The following SHANK1 variants were observed in gnomAD, a reference collection of about 807,000 sequenced individuals.
SHANK1 encodes SH3 and multiple ankyrin repeat domains 1.
Under a neutral mutation model 165.6 loss-of-function variants are expected in SHANK1, and 35 were observed. The observed-to-expected ratio is 0.21, with a 90% CI of 0.16 to 0.28. The LOEUF (loss-of-function observed/expected upper bound fraction) is 0.28. Among genes scored for constraint, SHANK1 ranks in the 10% least tolerant of loss-of-function variants. SHANK1 has a pLI of 1.00. For synonymous variants in SHANK1, 1,428 were observed against 1,384.8 expected (o/e 1.03, Z -0.69); for missense variants, 2,681 against 3,036.4 (o/e 0.88, Z 2.75).
rs1011233571 is a variant in SHANK1 at position 50,690,494 on chromosome 19, G to T, written c.1965-1215C>A. On this transcript the variant is annotated intron_variant, in intron 15 of 23. Coordinates refer to ENST00000293441, the MANE Select transcript of SHANK1 (RefSeq NM_016148.5). This position sits in a 1 kb window ranked among gnomAD's most constrained non-coding sequence, Gnocchi z 4.9. ...AAGAACACCCAGGAGTCACTGGAAC[G>T]CGTGCTCTGCTGTGCTGAGCTTCCT... Among the ~76,000 whole-genome samples the T allele has an allele frequency of 6.6e-6, 1 of 152,078 alleles. No individual in the cohort carries two copies. Among genetic ancestry groups the T allele is most frequent in the Non-Finnish European group, 1.5e-5 (1 of 68,010 alleles).
Position 50,687,498 on chromosome 19 carries a change from CAA to C in SHANK1, c.2389+82_2389+83del, listed in dbSNP as rs1599854800. 2.7e-6 allele frequency: 3 copies of C among 1,095,222 alleles called. No homozygotes were observed. In the East Asian group the frequency reaches 7.9e-5, roughly 29 times the overall value. The allele number at this position is 1,095,222 out of a possible 1,614,324, so 67.8% of individuals were successfully genotyped here. A position where few individuals can be genotyped will look rare whatever the true frequency, so the allele number is the denominator to read the frequency against. ...GAGGACAAGGACCCCTGGTCACTAA[CAA>C]CACTAACGAACTCAAGGGATGGTCC... On this transcript the variant is annotated intron_variant, in intron 19 of 23. Transcript: ENST00000293441.
At chr19:50,715,768 A>T (rs765771559) in intron 3 of SHANK1, 38 bp from the exon 4 acceptor site, 1 of 1,585,688 alleles carries the variant, frequency 6.3e-7, no homozygotes, top group South Asian at 1.1e-5. Flanking sequence ...AGACACAGAG[A>T]CTTGGAATCA....
In SHANK1 at chr19:50,697,732, T is replaced by A; in HGVS notation, c.1862-68A>T. On this transcript the variant is annotated intron_variant, in intron 13 of 23. Transcript: ENST00000293441. The surrounding 1 kb of genome is among the most constrained non-coding windows in gnomAD (Gnocchi z 4.7). ...ACCACAATCCCAGCCCTAGAGCTCC[T>A]GGCCCAAGTCTTCCCATCTACCTCC... 6.4e-7 allele frequency: 1 copy of A among 1,562,992 alleles called. No homozygotes were observed. Among genetic ancestry groups the A allele is most frequent in the Non-Finnish European group, 8.8e-7 (1 of 1,134,318 alleles).
rs995321906 is a variant in SHANK1 at position 50,718,108 on chromosome 19, T to C, written c.-43-1146A>G. ...GAAGCAGTGGAGGGTACTGCTGACT[T>C]TGGGGGAGTGGGGATGGGCTGGGGG... On this transcript the variant is annotated intron_variant, in intron 1 of 23. Coordinates refer to ENST00000293441, the MANE Select transcript of SHANK1 (RefSeq NM_016148.5). This position sits in a 1 kb window ranked among gnomAD's most constrained non-coding sequence, Gnocchi z 5.1. Among the ~76,000 whole-genome samples the C allele has an allele frequency of 2.0e-5, 3 of 152,004 alleles. No individual in the cohort carries two copies. Among genetic ancestry groups the C allele is most frequent in the Non-Finnish European group, 2.9e-5 (2 of 67,976 alleles).
chr19:50,674,095 ATTT>A (rs35496340), intron 21 of SHANK1, among the ~76,000 whole-genome samples: 2 of 143,840 alleles, frequency 1.4e-5, no homozygotes, highest in Non-Finnish European at 3.0e-5. Context: ...GTGTTGGCCT[ATTT>A]TTTTTTTTTT....
At chr19:50,711,066 C>A (rs1394573460) in intron 8 of SHANK1, 4 of 305,284 alleles carry the variant, frequency 1.3e-5, no homozygotes, top group Middle Eastern at 2.1e-3. Flanking sequence ...TTGCTCTGAG[C>A]ACTCTGGACT....
chr19:50,660,923 G>C lies in SHANK1; in HGVS notation c.*1042C>G, dbSNP rs1985185421. The stretch of plus-strand genomic sequence containing the variant: ...CGTGACCAAAAGTGACGGTGCAAAA[G>C]GGGCAAGAGGGAAGGCGGGGGGTGG... On this transcript the variant is annotated 3_prime_UTR_variant, in exon 24 of 24. Transcript: ENST00000293441. Among the ~76,000 whole-genome samples, 1 of 150,982 alleles carries C rather than the reference G, an allele frequency of 6.6e-6. No individual in the cohort carries two copies. Among genetic ancestry groups the C allele is most frequent in the Non-Finnish European group, 1.5e-5 (1 of 67,748 alleles).
In SHANK1 at chr19:50,703,779, C is replaced by T. The variant is rs750937230; in HGVS notation, c.1274G>A (p.Gly425Asp). ...CGCCGGGGGCACCGTCAGCCCTGTG[C>T]CTGGGGGCCCCCGTCGCCGGGCCGC... The part of the protein sequence containing the change: ...KYAARRRGPP[G>D]TGLTVPPALL... Residue 425 changes from glycine (G) to aspartate (D), a missense_variant, in exon 11 of 24, where the codon GGC becomes GAC. Coordinates refer to ENST00000293441, the MANE Select transcript of SHANK1 (RefSeq NM_016148.5). The T allele has an allele frequency of 4.2e-6, 6 of 1,429,678 alleles. No individual in the cohort carries two copies. Among genetic ancestry groups the T allele is most frequent in the Non-Finnish European group, 3.6e-6 (4 of 1,096,494 alleles). The allele number at this position is 1,429,678 out of a possible 1,614,324, so 88.6% of individuals were successfully genotyped here. A position where few individuals can be genotyped will look rare whatever the true frequency, so the allele number is the denominator to read the frequency against.
At position 50,661,875 on chromosome 19, in the gene SHANK1, C is replaced by T. The variant is rs879061635; in HGVS notation, c.*90G>A. The T allele has an allele frequency of 1.1e-4, 158 of 1,442,230 alleles. No homozygotes were observed. The highest frequency in any genetic ancestry group is 2.6e-4 in the South Asian group (22 of 84,216). The allele number at this position is 1,442,230 out of a possible 1,614,324, so 89.3% of individuals were successfully genotyped here. A position where few individuals can be genotyped will look rare whatever the true frequency, so the allele number is the denominator to read the frequency against. ...CGCAGTTTGAACAGAGTCCCTGGCC[C>T]GGGGAGAGAATGACAGTCAGGGGTC... On this transcript the variant is annotated 3_prime_UTR_variant, in exon 24 of 24. Transcript: ENST00000293441.
In SHANK1 at chr19:50,711,494, A is replaced by C; in HGVS notation, c.961-7T>G. 6.4e-7 allele frequency: 1 copy of C among 1,568,158 alleles called. No individual in the cohort carries two copies. The highest frequency in any genetic ancestry group is 8.6e-7 in the Non-Finnish European group (1 of 1,156,092). On this transcript the variant is annotated splice_polypyrimidine_tract_variant and splice_region_variant and intron_variant, in intron 7 of 23. Coordinates refer to ENST00000293441, the MANE Select transcript of SHANK1 (RefSeq NM_016148.5). Reference sequence around the variant, plus strand: ...AGTGACCCCGCTGGCAGGCCTGGGCAGGACAGGGAGCGAGGGGCATGGATC... The same window carrying C: ...AGTGACCCCGCTGGCAGGCCTGGGCCGGACAGGGAGCGAGGGGCATGGATC...
intron 8 of SHANK1, 184 bp downstream of exon 8, chr19:50,711,187 T>TGGATGGAC: frequency 1.7e-6 from 1 of 575,576 alleles, no homozygotes; most frequent in Non-Finnish European, 3.1e-6. Flanking sequence ...ATCTGTTGGA[T>TGGATGGAC]GGATGGATGG....
At position 50,697,526 on chromosome 19, in the gene SHANK1, AG is replaced by A. The variant is rs923442858; in HGVS notation, c.1937+62del. 8.5e-7 allele frequency: 1 copy of A among 1,178,732 alleles called. No individual in the cohort carries two copies. Among genetic ancestry groups the A allele is most frequent in the Non-Finnish European group, 1.3e-6 (1 of 782,822 alleles). The allele number at this position is 1,178,732 out of a possible 1,614,324, so 73.0% of individuals were successfully genotyped here. The stretch of plus-strand genomic sequence containing the variant: ...GCTTAGAGGTGATGGAAATATTTAA[AG>A]GTGTACATTGTGAAGGGAACTTGGG... On this transcript the variant is annotated intron_variant, in intron 14 of 23. Coordinates refer to ENST00000293441, the MANE Select transcript of SHANK1 (RefSeq NM_016148.5). This position sits in a 1 kb window ranked among gnomAD's most constrained non-coding sequence, Gnocchi z 4.7.
At position 50,662,819 on chromosome 19, in the gene SHANK1, G is replaced by A. The variant is rs184799173; in HGVS notation, c.5769-137C>T. The stretch of plus-strand genomic sequence containing the variant: ...GTAGGGGGAGAGACGGAGGAGAGAC[G>A]GGAAGAAATGGAGGGAGCAAGGGGT... On this transcript the variant is annotated intron_variant, in intron 23 of 23. Transcript: ENST00000293441. This position sits in a 1 kb window ranked among gnomAD's most constrained non-coding sequence, Gnocchi z 7.7. 5.7e-5 allele frequency: 48 copies of A among 843,044 alleles called. No homozygotes were observed. The highest frequency in any genetic ancestry group is 5.2e-4 in the Admixed American group (21 of 40,274). The allele number at this position is 843,044 out of a possible 1,614,324, so 52.2% of individuals were successfully genotyped here.
intron 23 of SHANK1, among the ~76,000 whole-genome samples, chr19:50,665,776 G>C (rs1158507112): frequency 7.6e-6 from 1 of 130,800 alleles, no homozygotes; most frequent in African/African-American, 3.1e-5. Context: ...GCTCATGCCT[G>C]TAATCCCAGC....
rs1214082413 is a variant in SHANK1, at chr19:50,702,121, G to A, written c.1747+346C>T. The stretch of plus-strand genomic sequence containing the variant: ...ACCTTGGGCAAGTGGCTTCACCTGT[G>A]TGAGGTTCTGTTCCTTCAACCATGC... On this transcript the variant is annotated intron_variant, in intron 12 of 23. Transcript: ENST00000293441. This position sits in a 1 kb window ranked among gnomAD's most constrained non-coding sequence, Gnocchi z 5.3. Among the ~76,000 whole-genome samples, 2 of 148,996 alleles carry A rather than the reference G, an allele frequency of 1.3e-5. No individual in the cohort carries two copies. Among genetic ancestry groups the A allele is most frequent in the African/African-American group, 2.5e-5 (1 of 39,934 alleles).
chr19:50,711,219 G>T (rs866718694), intron 8 of SHANK1, 152 bp downstream of exon 8: 8 of 496,526 alleles, frequency 1.6e-5, no homozygotes, highest in Admixed American at 3.5e-5. Context: ...GATGGATGGA[G>T]GAATGAATGG....
At chr19:50,673,438 G>A (rs901022215) in intron 21 of SHANK1, among the ~76,000 whole-genome samples, 9 of 151,862 alleles carry the variant, frequency 5.9e-5, no homozygotes, top group Non-Finnish European at 1.3e-4. Flanking sequence ...GAACACCTGC[G>A]AGCCCTGGTT....
rs1985588355 is a variant in SHANK1 at position 50,667,564 on chromosome 19, G to T, written c.4396C>A (p.Pro1466Thr). The change falls in exon 23 of 24, where the codon CCC becomes ACC. Residue 1466 changes from proline (P) to threonine (T), a missense_variant. By Grantham distance (38) the Pro-to-Thr change is conservative. This residue lies in a region of SHANK1 where 1,713 missense variants were observed against 1,630.2 expected (regional missense o/e 1.05). Coordinates refer to ENST00000293441, the MANE Select transcript of SHANK1 (RefSeq NM_016148.5). This position sits in a 1 kb window ranked among gnomAD's most constrained non-coding sequence, Gnocchi z 5.7. Reference sequence around the variant, plus strand: ...CTTACTCCGGGGTGCGGGGCCGGGGGCTCCGTCCCCAGCTGCAGCAGGAGG... The same window carrying T: ...CTTACTCCGGGGTGCGGGGCCGGGGTCTCCGTCCCCAGCTGCAGCAGGAGG... ...GPLLLQLGTE[P>T]PAPHPGVSKP... 1 of 1,455,496 alleles carries T rather than the reference G, an allele frequency of 6.9e-7. No homozygotes were observed. The highest frequency in any genetic ancestry group is 9.0e-7 in the Non-Finnish European group (1 of 1,115,806). 90.2% of individuals were successfully genotyped at this position (1,455,496 alleles called of 1,614,324 possible).
intron 15 of SHANK1, among the ~76,000 whole-genome samples, chr19:50,694,326 C>G (rs530301374): frequency 6.8e-6 from 1 of 147,030 alleles, no homozygotes; most frequent in Non-Finnish European, 1.5e-5. Flanking sequence ...GGGCGGGATG[C>G]GTGTGTGATG....
Sources: gnomAD v4.1 joint callset for allele counts (sites outside exome capture counted in the v4.1 genomes callset) on GRCh38, gnomAD v4.1.1 for gene constraint, gnomAD v4.1.1 regional missense constraint, Gnocchi (gnomAD v3.1) non-coding constraint, MANE v1.5 for transcripts, NCBI Gene and HGNC (gene_info 2026-07-23, HGNC 2026-07-21) for gene names.